The following PHF11 variants were observed in gnomAD, a reference collection of about 807,000 sequenced individuals.
PHF11 encodes BRCA1 C-terminus-associated protein.
PHF11 carries 38 observed loss-of-function variants against 40.5 expected under a neutral mutation model. That is an observed-to-expected ratio of 0.94 (90% confidence interval 0.72 to 1.23). The LOEUF (loss-of-function observed/expected upper bound fraction) is 1.23, where lower values mean the gene tolerates loss of function less well. Among genes scored for constraint, PHF11 ranks in the 50% most tolerant of loss-of-function variants. The pLI is 0.00. For missense variants in PHF11, 369 were observed against 392.4 expected, an observed-to-expected ratio of 0.94 and a Z score of 0.50; for synonymous variants, 127 against 138.2, an observed-to-expected ratio of 0.92 and a Z score of 0.57.
intron 2 of PHF11, among the ~76,000 whole-genome samples, chr13:49,508,348 AT>A (rs1483736188): frequency 6.8e-6 from 1 of 146,932 alleles, no homozygotes; most frequent in African/African-American, 2.5e-5. Flanking sequence ...ATATTACTAT[AT>A]TCATATATTC....
chr13:49,511,367 C>T (rs1959080719), intron 2 of PHF11, among the ~76,000 whole-genome samples: 1 of 84,804 alleles, frequency 1.2e-5, no homozygotes, highest in Non-Finnish European at 2.3e-5. Flanking sequence ...GCTTTTTTTG[C>T]CCAGGCTGGA....
rs1398329924 is a variant in PHF11 at position 49,495,960 on chromosome 13, G to A, written c.-42G>A. The A allele has an allele frequency of 7.5e-7, 1 of 1,335,562 alleles. No individual in the cohort carries two copies. Among genetic ancestry groups the A allele is most frequent in the Non-Finnish European group, 1.0e-6 (1 of 980,742 alleles). The allele number at this position is 1,335,562 out of a possible 1,614,324, so 82.7% of individuals were successfully genotyped here. ...ACCTAGTGCAGCTGGGGCACTTCCG[G>A]GATCTCGCTATCCGGCCGCCACCCG... is the stretch of plus-strand genomic sequence containing the variant. On this transcript the variant is annotated 5_prime_UTR_variant, in exon 1 of 10. Transcript: ENST00000378319.
At chr13:49,501,573 T>C (rs1272977810) in intron 1 of PHF11, among the ~76,000 whole-genome samples, 1 of 152,230 alleles carries the variant, frequency 6.6e-6, no homozygotes, top group African/African-American at 2.4e-5. Flanking sequence ...GATCCAACTA[T>C]ATGAAAAGGA....
chr13:49,523,153 C>T (rs1427453628), intron 6 of PHF11, 22 bp from the exon 7 acceptor site: 1 of 1,482,032 alleles, frequency 6.7e-7, no homozygotes, highest in Non-Finnish European at 9.4e-7. Flanking sequence ...CAATGTAATG[C>T]AATCTTGATT....
At chr13:49,513,306 C>T (rs900581760) in intron 3 of PHF11, 140 bp downstream of exon 3, 2 of 516,064 alleles carry the variant, frequency 3.9e-6, no homozygotes, top group Non-Finnish European at 6.8e-6. Flanking sequence ...GTATTGGAAA[C>T]CTCAATTCAA....
chr13:49,526,521 A>T, intron 9 of PHF11, 63 bp downstream of exon 9: 2 of 890,206 alleles, frequency 2.2e-6, no homozygotes, highest in Non-Finnish European at 3.8e-6. Flanking sequence ...CGATATTGAA[A>T]CAATATACTG....
At chr13:49,496,421 A>G (rs996309195) in intron 1 of PHF11, 13 of 1,081,732 alleles carry the variant, frequency 1.2e-5, no homozygotes, top group African/African-American at 1.7e-5. Flanking sequence ...AACCGATGTC[A>G]ACTCTCCTAG....
At position 49,524,142 on chromosome 13, in the gene PHF11, ACTTAC is replaced by A; in HGVS notation, c.696_700del (p.Leu233Ter). 6.2e-7 allele frequency: 1 copy of A among 1,603,914 alleles called. No individual in the cohort carries two copies. The stretch of plus-strand genomic sequence containing the variant: ...TGCAAGGAAGCAGGACTTCTTAATT[ACTTAC>A]TTGAAGAAATATTAGACAAAGTTCA... On this transcript the variant is annotated frameshift_variant, in exon 8 of 10. Coordinates refer to ENST00000378319, the MANE Select transcript of PHF11 (RefSeq NM_001040443.3). LOFTEE classifies it high-confidence loss of function.
rs2139052920 is a variant in PHF11, at chr13:49,512,928, A to G, written c.217-131A>G. Reference sequence around the variant, plus strand: ...CTTATGGTCTGCTCATCCACCCCCAAAGTTGCCACTGTTTTACCCCCAGTC... The same window carrying G: ...CTTATGGTCTGCTCATCCACCCCCAGAGTTGCCACTGTTTTACCCCCAGTC... On this transcript the variant is annotated intron_variant, in intron 2 of 9. Coordinates refer to ENST00000378319, the MANE Select transcript of PHF11 (RefSeq NM_001040443.3). The G allele has an allele frequency of 1.3e-5, 8 of 593,584 alleles. No individual in the cohort carries two copies. In the South Asian group the frequency reaches 1.6e-4, roughly 12 times the overall value. 36.8% of individuals were successfully genotyped at this position (593,584 alleles called of 1,614,324 possible). A position where few individuals can be genotyped will look rare whatever the true frequency, so the allele number is the denominator to read the frequency against.
At chr13:49,503,066 T>C (rs1958931909) in intron 1 of PHF11, among the ~76,000 whole-genome samples, 1 of 152,224 alleles carries the variant, frequency 6.6e-6, no homozygotes, top group African/African-American at 2.4e-5. Flanking sequence ...GTGCTTCTCC[T>C]GCTCAGACAT....
In PHF11 at chr13:49,522,068, AAGAG is replaced by A; in HGVS notation, c.532_535del (p.Arg178GlufsTer17). ...CTAAATTTTCAGGAGTGAAAAGAAA[AAGAG>A]GAAGGAAGAAACCCCTCTCAGGCAA... On this transcript the variant is annotated frameshift_variant, in exon 6 of 10. Coordinates refer to ENST00000378319, the MANE Select transcript of PHF11 (RefSeq NM_001040443.3). LOFTEE classifies it high-confidence loss of function. The A allele has an allele frequency of 6.4e-7, 1 of 1,555,844 alleles. No homozygotes were observed. Among genetic ancestry groups the A allele is most frequent in the Non-Finnish European group, 8.9e-7 (1 of 1,128,786 alleles).
intron 1 of PHF11, among the ~76,000 whole-genome samples, chr13:49,498,620 C>T (rs901466133): frequency 6.6e-6 from 1 of 152,198 alleles, no homozygotes; most frequent in African/African-American, 2.4e-5. Flanking sequence ...TAGCATAGTG[C>T]ATTTCAGGTA....
chr13:49,517,312 T>C (rs1959165951), intron 3 of PHF11, among the ~76,000 whole-genome samples: 1 of 152,226 alleles, frequency 6.6e-6, no homozygotes, highest in Non-Finnish European at 1.5e-5. Context: ...CAGAGTATCA[T>C]GCTGATCAGC....
At chr13:49,518,879 A>G (rs1355707780) in intron 4 of PHF11, 6 of 143,226 alleles carry the variant, frequency 4.2e-5, no homozygotes, top group Non-Finnish European at 9.0e-5. Context: ...TCTGTCGCCC[A>G]GGCTGGAGTG....
At chr13:49,501,018 T>TTTTTTTTG (rs1958898830) in intron 1 of PHF11, among the ~76,000 whole-genome samples, 1 of 42,192 alleles carries the variant, frequency 2.4e-5, no homozygotes, top group African/African-American at 1.7e-4. Context: ...TTTTTTTTGG[T>TTTTTTTTG]TTTTTTTTTT....
intron 1 of PHF11, chr13:49,496,321 A>G (rs1958807352): frequency 1.1e-6 from 1 of 919,198 alleles, no homozygotes; most frequent in Non-Finnish European, 1.4e-6. Context: ...CCAGTTCCAC[A>G]GGTGGCTCTG....
chr13:49,508,578 T>C (rs1318216697), intron 2 of PHF11, among the ~76,000 whole-genome samples: 1 of 151,644 alleles, frequency 6.6e-6, no homozygotes, highest in Non-Finnish European at 1.5e-5. Context: ...TAAAAGCTTT[T>C]TAAATGAACT....
intron 1 of PHF11, among the ~76,000 whole-genome samples, chr13:49,504,040 T>C (rs1362577121): frequency 6.6e-6 from 1 of 152,190 alleles, no homozygotes; most frequent in Non-Finnish European, 1.5e-5. Flanking sequence ...TTGATTTTTT[T>C]AATGAGGCTC....
rs1024140864 is a variant in PHF11 at position 49,496,952 on chromosome 13, G to A, written c.94+857G>A. 3 of 653,572 alleles carry A rather than the reference G, an allele frequency of 4.6e-6. No homozygotes were observed. The South Asian group carries it at 6.9e-5, about 15-fold the overall frequency. The allele number at this position is 653,572 out of a possible 1,614,324, so 40.5% of individuals were successfully genotyped here. ...GGGTTCAAGCGATTCTCCTGCCTCA[G>A]CCTCCCGAGTGGATGGGATTACAGG... On this transcript the variant is annotated intron_variant, in intron 1 of 9. Coordinates refer to ENST00000378319, the MANE Select transcript of PHF11 (RefSeq NM_001040443.3).
Sources: allele counts gnomAD v4.1 joint callset (sites outside exome capture counted in the v4.1 genomes callset), GRCh38; gene constraint gnomAD v4.1.1; transcripts MANE v1.5; gene names NCBI Gene and HGNC (gene_info 2026-07-23, HGNC 2026-07-21).